Variants in YBX1 observed in about 807,000 individuals in gnomAD.
The protein encoded by YBX1 is Y-box binding protein 1.
Under a neutral mutation model 41.4 loss-of-function variants are expected in YBX1, and 3 were observed. The ratio of observed to expected loss-of-function variants is 0.07; its 90% confidence interval spans 0.03 to 0.19. The LOEUF (loss-of-function observed/expected upper bound fraction) is 0.19, where lower values mean the gene tolerates loss of function less well. YBX1 is among the 10% of genes least tolerant of loss of function. YBX1 has a pLI of 1.00. For missense variants in YBX1, 274 were observed against 462.8 expected (o/e 0.59, Z 3.74); for synonymous variants, 133 against 165.8 (o/e 0.80, Z 1.52).
At chr1:42,701,212 A>G (rs1446215846) in intron 7 of YBX1, among the ~76,000 whole-genome samples, 166 bp downstream of exon 7, 1 of 152,196 alleles carries the variant, frequency 6.6e-6, no homozygotes, top group African/African-American at 2.4e-5. Flanking sequence ...CATTTTAGGA[A>G]TATTGAATAT....
chr1:42,694,862 G>A (rs1212834363), intron 3 of YBX1, among the ~76,000 whole-genome samples: 2 of 152,130 alleles, frequency 1.3e-5, no homozygotes, highest in African/African-American at 2.4e-5. Context: ...TGTAGACTTA[G>A]GAACAAGAGA....
intron 2 of YBX1, among the ~76,000 whole-genome samples, chr1:42,688,787 C>T (rs1008366621): frequency 1.3e-5 from 2 of 152,198 alleles, no homozygotes; most frequent in Non-Finnish European, 2.9e-5. Flanking sequence ...AGGTCTACAG[C>T]TGGAATTACC....
At chr1:42,689,020 T>C (rs1650265804) in intron 2 of YBX1, among the ~76,000 whole-genome samples, 1 of 152,224 alleles carries the variant, frequency 6.6e-6, no homozygotes, top group Non-Finnish European at 1.5e-5. Context: ...CAGGCAGATT[T>C]CAACTGTGCA....
rs1464176621 is a variant in YBX1, at chr1:42,703,627, A to G, written c.*1678A>G. 6.6e-6 allele frequency among the ~76,000 whole-genome samples: 1 copy of G among 152,186 alleles called. No homozygotes were observed. Among genetic ancestry groups the G allele is most frequent in the Non-Finnish European group, 1.5e-5 (1 of 68,026 alleles). On this transcript the variant is annotated 3_prime_UTR_variant, in exon 8 of 8. Transcript: ENST00000321358. The stretch of plus-strand genomic sequence containing the variant: ...TGGTAGCATCTAAACTGTTACTTAC[A>G]ACTGCAGACGCACACAGTCCCTGAC...
rs1372263529 is a variant in YBX1 at position 42,701,976 on chromosome 1, T to G, written c.*32-5T>G. On this transcript the variant is annotated splice_region_variant and splice_polypyrimidine_tract_variant and intron_variant, in intron 7 of 7. Transcript: ENST00000321358. Reference sequence around the variant, plus strand: ...ACATGATCATCTTTATTTTTTTCTTTACAGTTTAGTCATCCAACAAGAAGA... The same window carrying G: ...ACATGATCATCTTTATTTTTTTCTTGACAGTTTAGTCATCCAACAAGAAGA... 6.5e-6 allele frequency: 1 copy of G among 154,974 alleles called. No homozygotes were observed. The highest frequency in any genetic ancestry group is 2.4e-5 in the African/African-American group (1 of 41,448). The allele number at this position is 154,974 out of a possible 1,614,324, so 9.6% of individuals were successfully genotyped here.
chr1:42,696,240 T>C lies in YBX1; in HGVS notation c.306T>C (p.Ser102=). ...ATAACCCCAGGAAGTACCTTCGCAG[T>C]GTAGGAGATGGAGAGACTGTGGAGT... ...KKNNPRKYLR[S]VGDGETVEFD... is the part of the protein sequence containing the mutation. The change falls in exon 4 of 8, where the codon AGT becomes AGC. Residue 102 remains serine, a synonymous_variant. Coordinates refer to ENST00000321358, the MANE Select transcript of YBX1 (RefSeq NM_004559.5). This position sits in a 1 kb window ranked among gnomAD's most constrained non-coding sequence, Gnocchi z 5.7. The C allele has an allele frequency of 6.2e-7, 1 of 1,613,244 alleles. No homozygotes were observed. Among genetic ancestry groups the C allele is most frequent in the Non-Finnish European group, 8.5e-7 (1 of 1,179,474 alleles).
intron 6 of YBX1, among the ~76,000 whole-genome samples, chr1:42,698,565 T>C (rs1245153829): frequency 1.3e-5 from 2 of 152,230 alleles, no homozygotes; most frequent in Non-Finnish European, 2.9e-5. Flanking sequence ...TTAAATGTTT[T>C]GCCTAGTTTC....
At chr1:42,686,291 A>T (rs1300640905) in intron 2 of YBX1, among the ~76,000 whole-genome samples, 1 of 152,224 alleles carries the variant, frequency 6.6e-6, no homozygotes, top group African/African-American at 2.4e-5. Flanking sequence ...CTACTCCCAG[A>T]TGCTTTGATT....
At chr1:42,690,775 C>A (rs375434032) in intron 2 of YBX1, among the ~76,000 whole-genome samples, 4 of 152,332 alleles carry the variant, frequency 2.6e-5, no homozygotes, top group Admixed American at 6.5e-5. Flanking sequence ...ACTGGAAATT[C>A]TAACAGGTAG....
chr1:42,682,857 A>G (rs1185256344), intron 1 of YBX1, 126 bp downstream of exon 1: 4 of 429,920 alleles, frequency 9.3e-6, no homozygotes, highest in African/African-American at 2.3e-5. Flanking sequence ...GCGGCCGCCC[A>G]TCCCCCCCGT....
intron 2 of YBX1, among the ~76,000 whole-genome samples, chr1:42,688,597 A>C (rs546485488): frequency 3.3e-5 from 5 of 152,350 alleles, no homozygotes; most frequent in Non-Finnish European, 7.4e-5. Context: ...TGAACAGTTT[A>C]TCTCTCCAGT....
At chr1:42,701,131 C>T in intron 7 of YBX1, 85 bp downstream of exon 7, 1 of 903,660 alleles carries the variant, frequency 1.1e-6, no homozygotes, top group Non-Finnish European at 1.7e-6. Flanking sequence ...AGAAAAACCT[C>T]AGTTCCATCA....
Position 42,682,541 on chromosome 1 carries a change from G to T in YBX1, c.-25G>T. 6.9e-7 allele frequency: 1 copy of T among 1,445,920 alleles called. No individual in the cohort carries two copies. Among genetic ancestry groups the T allele is most frequent in the Non-Finnish European group, 9.0e-7 (1 of 1,105,226 alleles). 89.6% of individuals were successfully genotyped at this position (1,445,920 alleles called of 1,614,324 possible). A position where few individuals can be genotyped will look rare whatever the true frequency, so the allele number is the denominator to read the frequency against. On this transcript the variant is annotated 5_prime_UTR_variant, in exon 1 of 8. Coordinates refer to ENST00000321358, the MANE Select transcript of YBX1 (RefSeq NM_004559.5). ...GGGAGGAGCCGCAGCTGCCGCAGCCGGCCCCAGTCACCATCACCGCAACCA... is the reference window on the plus strand; with the variant it reads ...GGGAGGAGCCGCAGCTGCCGCAGCCTGCCCCAGTCACCATCACCGCAACCA...
At chr1:42,682,828 G>T (rs1650071049) in intron 1 of YBX1, 97 bp downstream of exon 1, 13 of 765,344 alleles carry the variant, frequency 1.7e-5, no homozygotes, top group Non-Finnish European at 2.2e-5. Context: ...GCGGCCGGTG[G>T]GCACCGACTC....
chr1:42,690,881 G>A (rs1262726624), intron 2 of YBX1, among the ~76,000 whole-genome samples: 2 of 152,094 alleles, frequency 1.3e-5, no homozygotes, highest in Admixed American at 1.3e-4. Flanking sequence ...CTAGTAGATG[G>A]GGGAGCTAGA....
Position 42,693,587 on chromosome 1 carries a change from T to C in YBX1, c.264+64T>C, listed in dbSNP as rs866995158. ...GATTGTAAGAAGAAAAGGTTAGATA[T>C]GTTCTCAGCTTTTGTTCCTTATAAA... On this transcript the variant is annotated intron_variant, in intron 3 of 7. Transcript: ENST00000321358. 3.4e-5 allele frequency: 53 copies of C among 1,561,878 alleles called. No individual in the cohort carries two copies. In the South Asian group the frequency reaches 5.5e-4, roughly 16 times the overall value.
intron 6 of YBX1, among the ~76,000 whole-genome samples, chr1:42,698,568 C>T (rs958920638): frequency 6.6e-6 from 1 of 152,164 alleles, no homozygotes; most frequent in African/African-American, 2.4e-5. Flanking sequence ...AATGTTTTGC[C>T]TAGTTTCATT....
At position 42,691,842 on chromosome 1, in the gene YBX1, C is replaced by G. The variant is rs546837466; in HGVS notation, c.231-1648C>G. 3.3e-5 allele frequency among the ~76,000 whole-genome samples: 5 copies of G among 152,150 alleles called. No homozygotes were observed. In the East Asian group the frequency reaches 9.7e-4, roughly 30 times the overall value. On this transcript the variant is annotated intron_variant, in intron 2 of 7. Coordinates refer to ENST00000321358, the MANE Select transcript of YBX1 (RefSeq NM_004559.5). ...CTTCCATTAATGCAGATAGTGCTCC[C>G]TATCTTTGGAAAAAAATTTTATTTT... is the stretch of plus-strand genomic sequence containing the variant.
rs947723211 is a variant in YBX1, at chr1:42,700,955, A to G, written c.915A>G (p.Ala305=). 3 of 1,614,050 alleles carry G rather than the reference A, an allele frequency of 1.9e-6. No individual in the cohort carries two copies. Among genetic ancestry groups the G allele is most frequent in the Admixed American group, 1.7e-5 (1 of 59,998 alleles). ...CACAAGATGGCAAAGAGACAAAAGC[A>G]GCCGATCCACCAGCTGAGAATTCGT... is the stretch of plus-strand genomic sequence containing the variant. ...PKPQDGKETK[A]ADPPAENSSA... Residue 305 remains alanine, a synonymous_variant, in exon 7 of 8, where the codon GCA becomes GCG. Transcript: ENST00000321358.
Sources: gnomAD v4.1 joint callset for allele counts (sites outside exome capture counted in the v4.1 genomes callset) on GRCh38, gnomAD v4.1.1 for gene constraint, Gnocchi (gnomAD v3.1) non-coding constraint, MANE v1.5 for transcripts, NCBI Gene and HGNC (gene_info 2026-07-23, HGNC 2026-07-21) for gene names.